Variants in HIVEP3 observed in about 807,000 individuals in gnomAD.
HIVEP3 encodes the protein transcription factor HIVEP3.
Under a neutral mutation model 152.8 loss-of-function variants are expected in HIVEP3, and 49 were observed. That is an observed-to-expected ratio of 0.32 (90% CI 0.26 to 0.41). The LOEUF (loss-of-function observed/expected upper bound fraction) is 0.41. HIVEP3 is among the 10% of genes least tolerant of loss of function. The pLI is 1.00. For synonymous variants in HIVEP3, 1,269 were observed against 1,289.0 expected, an observed-to-expected ratio of 0.98 and a Z score of 0.33; for missense variants, 2,790 against 3,103.3, an observed-to-expected ratio of 0.90 and a Z score of 2.40.
chr1:41,643,500 T>C (rs1645409435), intron 2 of HIVEP3, among the ~76,000 whole-genome samples: 1 of 152,228 alleles, frequency 6.6e-6, no homozygotes. Context: ...ACACCACCAC[T>C]GCCCTGCCTT....
At chr1:41,737,451 G>A (rs1447176177) in intron 1 of HIVEP3, among the ~76,000 whole-genome samples, 10 of 152,128 alleles carry the variant, frequency 6.6e-5, no homozygotes, top group Admixed American at 6.5e-4. Flanking sequence ...GACTCTCCAA[G>A]ACTACAGGTT....
chr1:41,574,349 C>A (rs1644295717), intron 5 of HIVEP3, among the ~76,000 whole-genome samples: 1 of 152,162 alleles, frequency 6.6e-6, no homozygotes, highest in South Asian at 2.1e-4. Context: ...TTTCAAAGAC[C>A]TTTGGTTCAG....
chr1:41,723,450 G>T (rs1236699485), intron 1 of HIVEP3, among the ~76,000 whole-genome samples: 4 of 150,598 alleles, frequency 2.7e-5, no homozygotes, highest in African/African-American at 4.9e-5. Flanking sequence ...ATTTTCACTA[G>T]CAGAAAATGC....
intron 1 of HIVEP3, among the ~76,000 whole-genome samples, chr1:41,861,579 T>A (rs576737706): frequency 6.6e-6 from 1 of 152,310 alleles, no homozygotes; most frequent in East Asian, 1.9e-4. Flanking sequence ...TCTGGGGATG[T>A]GGGGAGACTG....
intron 1 of HIVEP3, among the ~76,000 whole-genome samples, chr1:41,913,235 C>G (rs1053370182): frequency 1.3e-5 from 2 of 152,222 alleles, no homozygotes; most frequent in African/African-American, 4.8e-5. Context: ...AAGTCAAGAG[C>G]CTATGCAAAT....
At chr1:41,546,819 C>T (rs916890182) in intron 5 of HIVEP3, among the ~76,000 whole-genome samples, 2 of 152,198 alleles carry the variant, frequency 1.3e-5, no homozygotes. Flanking sequence ...AGCACTGGCC[C>T]GGCCTGGATG....
At chr1:41,572,218 G>C (rs571053844) in intron 5 of HIVEP3, among the ~76,000 whole-genome samples, 4 of 152,228 alleles carry the variant, frequency 2.6e-5, no homozygotes, top group Admixed American at 6.5e-5. Context: ...CAGTTCAGGG[G>C]TGAGGTCCTG....
intron 1 of HIVEP3, among the ~76,000 whole-genome samples, chr1:42,007,149 T>A (rs1226478772): frequency 6.6e-6 from 1 of 152,030 alleles, no homozygotes; most frequent in East Asian, 1.9e-4. Flanking sequence ...CTTGGGTCTA[T>A]GCCCTCTGCT....
chr1:41,744,310 A>G (rs1376293597), intron 1 of HIVEP3, among the ~76,000 whole-genome samples: 1 of 152,192 alleles, frequency 6.6e-6, no homozygotes, highest in East Asian at 1.9e-4. Context: ...AAGTGCTGGG[A>G]TTACAGGTGT....
At chr1:41,942,154 C>T (rs1216619583) in intron 1 of HIVEP3, among the ~76,000 whole-genome samples, 1 of 152,176 alleles carries the variant, frequency 6.6e-6, no homozygotes, top group Non-Finnish European at 1.5e-5. Flanking sequence ...CAGTCTCATG[C>T]AGTCTCACAA....
At chr1:41,853,323 T>C (rs531923048) in intron 1 of HIVEP3, among the ~76,000 whole-genome samples, 2 of 152,236 alleles carry the variant, frequency 1.3e-5, no homozygotes, top group Admixed American at 6.5e-5. Flanking sequence ...AGGAAAGAGG[T>C]TTAATTGACT....
intron 2 of HIVEP3, among the ~76,000 whole-genome samples, chr1:41,684,396 C>T (rs74071922): frequency 0.034 from 5,138 of 152,320 alleles, 126 homozygotes; most frequent in African/African-American, 0.066. Flanking sequence ...TCCTCCAAGG[C>T]CAAGCTCACA....
intron 3 of HIVEP3, among the ~76,000 whole-genome samples, chr1:41,611,736 T>G (rs890739960): frequency 1.3e-5 from 2 of 152,226 alleles, no homozygotes; most frequent in East Asian, 3.8e-4. Flanking sequence ...TTTCTCCCAC[T>G]GTCCTGGGCA....
intron 5 of HIVEP3, among the ~76,000 whole-genome samples, chr1:41,528,784 C>A (rs981861341): frequency 2.8e-5 from 4 of 140,944 alleles, no homozygotes; most frequent in Non-Finnish European, 6.2e-5. Flanking sequence ...CACTCCACAC[C>A]CCCACCCTCA....
intron 2 of HIVEP3, among the ~76,000 whole-genome samples, chr1:41,660,076 G>T (rs1232473455): frequency 6.6e-6 from 1 of 152,200 alleles, no homozygotes; most frequent in Non-Finnish European, 1.5e-5. Flanking sequence ...GCGAATGAGT[G>T]AACAGGATGG....
chr1:41,517,149 G>A (rs1176325126), intron 7 of HIVEP3, among the ~76,000 whole-genome samples: 1 of 152,236 alleles, frequency 6.6e-6, no homozygotes, highest in African/African-American at 2.4e-5. Flanking sequence ...TGAGGCTGGG[G>A]CAGGGCAGGG....
intron 2 of HIVEP3, among the ~76,000 whole-genome samples, chr1:41,688,132 T>C (rs1388090283): frequency 6.6e-6 from 1 of 152,228 alleles, no homozygotes; most frequent in Non-Finnish European, 1.5e-5. Flanking sequence ...GGAAGTGATA[T>C]GGGGTCAGGG....
At chr1:41,674,003 C>T (rs1324259828) in intron 2 of HIVEP3, among the ~76,000 whole-genome samples, 1 of 152,250 alleles carries the variant, frequency 6.6e-6, no homozygotes, top group Non-Finnish European at 1.5e-5. Context: ...TGCACAGCTG[C>T]GTTTCTAACC....
At chr1:41,682,490 C>T (rs1002328869) in intron 2 of HIVEP3, among the ~76,000 whole-genome samples, 5 of 152,182 alleles carry the variant, frequency 3.3e-5, no homozygotes, top group Non-Finnish European at 5.9e-5. Flanking sequence ...GGGAGGACCC[C>T]GCCGAATACC....
Sources: allele counts gnomAD v4.1 joint callset (sites outside exome capture counted in the v4.1 genomes callset), GRCh38; gene constraint gnomAD v4.1.1; transcripts MANE v1.5; gene names NCBI Gene and HGNC (gene_info 2026-07-23, HGNC 2026-07-21).